The following PPARGC1A variants were observed in gnomAD, a reference collection of about 807,000 sequenced individuals.
PPARGC1A encodes the protein peroxisome proliferator-activated receptor gamma coactivator 1-alpha.
A neutral mutation model predicts 88.7 loss-of-function variants in PPARGC1A; 25 were observed. That is an observed-to-expected ratio of 0.28 (90% CI 0.21 to 0.39). PPARGC1A has a LOEUF of 0.39. PPARGC1A is among the 10% of genes least tolerant of loss of function. The pLI, the probability that PPARGC1A is intolerant of heterozygous loss-of-function variation, is 1.00. For synonymous variants in PPARGC1A, 363 were observed against 355.6 expected (o/e 1.02, Z -0.24); for missense variants, 880 against 968.7 (o/e 0.91, Z 1.22).
chr4:24,031,291 G>C, the PPARGC1A span, among the ~76,000 whole-genome samples: 1 of 152,040 alleles, frequency 6.6e-6, no homozygotes, highest in East Asian at 1.9e-4. Context: ...TCCATTTCTG[G>C]CCCCTTAATA....
the PPARGC1A span, among the ~76,000 whole-genome samples, chr4:24,134,464 A>G: frequency 6.6e-6 from 1 of 152,270 alleles, no homozygotes; most frequent in East Asian, 1.9e-4. Flanking sequence ...CACCAAGGAA[A>G]TATGTTTGCG....
chr4:24,471,580 C>T, the PPARGC1A span, among the ~76,000 whole-genome samples: 7,335 of 152,270 alleles, frequency 0.048, 253 homozygotes, highest in Non-Finnish European at 0.069. The surrounding 1 kb of genome is among the most constrained non-coding windows in gnomAD (Gnocchi z 5.4). Flanking sequence ...GCCTGTCTCT[C>T]CAGGTTACCA....
the PPARGC1A span, among the ~76,000 whole-genome samples, chr4:23,936,969 A>T: frequency 8.5e-5 from 13 of 152,234 alleles, no homozygotes; most frequent in Non-Finnish European, 1.3e-4. Context: ...ACTGAACATG[A>T]CAGGCATAGG....
chr4:24,300,324 ATTTTTTTTTTTTTTTTTTTTTT>A, the PPARGC1A span, among the ~76,000 whole-genome samples: 15 of 45,028 alleles, frequency 3.3e-4, no homozygotes, highest in South Asian at 1.2e-3. Flanking sequence ...ATACAATAGC[ATTTTTTTTTTTTTTTTTTTTTT>A]TTTTTTTTTT....
intron 2 of PPARGC1A, among the ~76,000 whole-genome samples, chr4:23,870,574 T>C (rs905158399): frequency 2.0e-5 from 3 of 152,194 alleles, no homozygotes; most frequent in Admixed American, 1.3e-4. Context: ...ACATCACATA[T>C]TGAATAGAAC....
rs958322134 is a variant in PPARGC1A, at chr4:23,889,833, C to T, written c.54+71G>A. On this transcript the variant is annotated intron_variant, in intron 1 of 12. Coordinates refer to ENST00000264867, the MANE Select transcript of PPARGC1A (RefSeq NM_013261.5). Reference sequence around the variant, plus strand: ...CCTCTCTTTGCCCAAGCCCATCCCCCCTTACAGGAATAATAGCATCTGAGG... The same window carrying T: ...CCTCTCTTTGCCCAAGCCCATCCCCTCTTACAGGAATAATAGCATCTGAGG... The T allele has an allele frequency of 3.2e-6, 5 of 1,573,264 alleles. No homozygotes were observed. In the East Asian group the frequency reaches 9.0e-5, roughly 28 times the overall value.
chr4:24,355,915 G>A, the PPARGC1A span, among the ~76,000 whole-genome samples: 2 of 152,112 alleles, frequency 1.3e-5, no homozygotes, highest in East Asian at 1.9e-4. Context: ...ATGAGTTTAC[G>A]GCGGGGCACG....
At chr4:23,921,039 C>T in the PPARGC1A span, among the ~76,000 whole-genome samples, 161 of 152,180 alleles carry the variant, frequency 1.1e-3, no homozygotes, top group Non-Finnish European at 1.9e-3. Flanking sequence ...TTGAGTCTCC[C>T]GTGCCACCCC....
At chr4:24,201,304 G>A in the PPARGC1A span, among the ~76,000 whole-genome samples, 11 of 152,212 alleles carry the variant, frequency 7.2e-5, no homozygotes, top group Non-Finnish European at 1.6e-4. Flanking sequence ...GTCATGTTAT[G>A]ACTTTCCTGA....
At chr4:24,353,212 C>G in the PPARGC1A span, among the ~76,000 whole-genome samples, 4 of 138,822 alleles carry the variant, frequency 2.9e-5, no homozygotes, top group Non-Finnish European at 6.2e-5. Context: ...TTTTTCAAAT[C>G]CTCTTTCGTC....
At chr4:24,218,102 C>A in the PPARGC1A span, among the ~76,000 whole-genome samples, 2 of 152,124 alleles carry the variant, frequency 1.3e-5, no homozygotes, top group African/African-American at 4.8e-5. Flanking sequence ...AAAATTAAGA[C>A]AAACATGTTT....
chr4:24,088,414 CAGA>C, the PPARGC1A span, among the ~76,000 whole-genome samples: 1 of 151,658 alleles, frequency 6.6e-6, no homozygotes, highest in African/African-American at 2.4e-5. Flanking sequence ...AAAAAGGAAG[CAGA>C]AGAAGAAGAG....
the PPARGC1A span, among the ~76,000 whole-genome samples, chr4:24,149,780 T>C: frequency 6.6e-6 from 1 of 152,228 alleles, no homozygotes; most frequent in Non-Finnish European, 1.5e-5. Flanking sequence ...TTTATGTTTT[T>C]AGTTCCTCCT....
chr4:24,150,786 C>G, the PPARGC1A span, among the ~76,000 whole-genome samples: 1 of 152,284 alleles, frequency 6.6e-6, no homozygotes, highest in African/African-American at 2.4e-5. Flanking sequence ...AAAAGCAAAG[C>G]TGGGACCACA....
chr4:23,855,742 G>A (rs184471473), intron 2 of PPARGC1A, among the ~76,000 whole-genome samples: 1 of 152,192 alleles, frequency 6.6e-6, no homozygotes, highest in Admixed American at 6.5e-5. Flanking sequence ...AGAAATCCTG[G>A]GAGAATGTAA....
At chr4:24,376,789 G>A in the PPARGC1A span, among the ~76,000 whole-genome samples, 1 of 152,124 alleles carries the variant, frequency 6.6e-6, no homozygotes, top group East Asian at 1.9e-4. Flanking sequence ...CCGTGATCAC[G>A]TATCCATTTG....
the PPARGC1A span, among the ~76,000 whole-genome samples, chr4:24,294,104 T>C: frequency 3.8e-3 from 572 of 152,254 alleles, 4 homozygotes; most frequent in African/African-American, 0.013. Flanking sequence ...ACTGGCTCCA[T>C]CCCAAGTCGA....
the PPARGC1A span, among the ~76,000 whole-genome samples, chr4:24,109,055 C>T: frequency 6.9e-6 from 1 of 144,558 alleles, no homozygotes; most frequent in African/African-American, 2.7e-5. Context: ...CACACACACA[C>T]ACCTGAGACC....
chr4:24,280,158 GC>G, the PPARGC1A span, among the ~76,000 whole-genome samples: 1 of 152,154 alleles, frequency 6.6e-6, no homozygotes, highest in Non-Finnish European at 1.5e-5. Flanking sequence ...TTCTCATAGA[GC>G]AACTCGACAG....
Sources: gnomAD v4.1 joint callset for allele counts (sites outside exome capture counted in the v4.1 genomes callset) on GRCh38, gnomAD v4.1.1 for gene constraint, Gnocchi (gnomAD v3.1) non-coding constraint, MANE v1.5 for transcripts, NCBI Gene and HGNC (gene_info 2026-07-23, HGNC 2026-07-21) for gene names.